Variants in DAB1 observed in about 807,000 individuals in gnomAD.
DAB1 encodes disabled homolog 1.
In DAB1, 15 loss-of-function variants were observed where a neutral mutation model predicts 64.6. The ratio of observed to expected loss-of-function variants is 0.23; its 90% confidence interval spans 0.16 to 0.36. The LOEUF (loss-of-function observed/expected upper bound fraction) is 0.36, where lower values mean the gene tolerates loss of function less well. Ranked by LOEUF, DAB1 falls within the 10% of genes least tolerant of loss-of-function variation. DAB1 has a pLI of 1.00. For synonymous variants in DAB1, 235 were observed against 251.9 expected (o/e 0.93, Z 0.64); for missense variants, 596 against 706.7 (o/e 0.84, Z 1.78).
At chr1:57,262,815 G>C (rs947351621) in intron 2 of DAB1, among the ~76,000 whole-genome samples, 1 of 152,144 alleles carries the variant, frequency 6.6e-6, no homozygotes, top group African/African-American at 2.4e-5. Context: ...AGGTCTTTTG[G>C]AAGCATTCTC....
chr1:57,042,099 T>C (rs925921424), intron 9 of DAB1, among the ~76,000 whole-genome samples: 2 of 152,152 alleles, frequency 1.3e-5, no homozygotes, highest in African/African-American at 4.8e-5. Flanking sequence ...AACCCTTGCT[T>C]GCTCATAGGG....
chr1:58,152,371 T>C (rs976521707), intron 4 of DAB1, among the ~76,000 whole-genome samples: 5 of 152,118 alleles, frequency 3.3e-5, no homozygotes, highest in African/African-American at 1.2e-4. Flanking sequence ...AATGCCACAG[T>C]GAATCTGTAT....
chr1:57,886,175 T>G (rs1019345858), upstream of DAB1, among the ~76,000 whole-genome samples: 727 of 151,226 alleles, frequency 4.8e-3, 6 homozygotes, highest in African/African-American at 0.016. Flanking sequence ...TTTTTTTTTT[T>G]TTTTTTTTGA....
At chr1:58,514,873 C>T (rs1646135911) in intron 2 of DAB1, among the ~76,000 whole-genome samples, 1 of 152,152 alleles carries the variant, frequency 6.6e-6, no homozygotes, top group Non-Finnish European at 1.5e-5. Flanking sequence ...AGAGGGAAAC[C>T]TTACTGTCTA....
intron 6 of DAB1, among the ~76,000 whole-genome samples, chr1:57,700,412 C>T (rs1646893557): frequency 6.6e-6 from 1 of 152,224 alleles, no homozygotes; most frequent in Non-Finnish European, 1.5e-5. Flanking sequence ...AAACTGGCTA[C>T]TATCTACTTC....
intron 5 of DAB1, among the ~76,000 whole-genome samples, chr1:58,025,699 T>C (rs1646884338): frequency 7.1e-6 from 1 of 141,264 alleles, no homozygotes. Flanking sequence ...CCTTTAATCA[T>C]AAATTTAGAG....
chr1:57,748,330 C>G (rs1648383825), intron 6 of DAB1, among the ~76,000 whole-genome samples: 1 of 152,180 alleles, frequency 6.6e-6, no homozygotes, highest in Non-Finnish European at 1.5e-5. Context: ...TCCTTCCTGA[C>G]TCTCCCACTT....
In DAB1 at chr1:58,352,453, C is replaced by T. The variant is rs151183425; in HGVS notation, n.258-9050G>A. Among the ~76,000 whole-genome samples, 8 of 152,192 alleles carry T rather than the reference C, an allele frequency of 5.3e-5. No homozygotes were observed. The East Asian group carries it at 7.7e-4, about 15-fold the overall frequency. Reference sequence around the variant, plus strand: ...GTCAGACTCTAAGTACATAGCCATCCGGCATGTATCTAACATTTGTAGAGA... The same window carrying T: ...GTCAGACTCTAAGTACATAGCCATCTGGCATGTATCTAACATTTGTAGAGA... On this transcript the variant is annotated intron_variant and non_coding_transcript_variant, in intron 3 of 20. Transcript: ENST00000485760.
At chr1:58,296,694 C>T (rs574497659) in intron 4 of DAB1, among the ~76,000 whole-genome samples, 2 of 152,224 alleles carry the variant, frequency 1.3e-5, no homozygotes, top group South Asian at 4.2e-4. Flanking sequence ...GTACTGTGAA[C>T]CCATATTTAT....
intron 3 of DAB1, among the ~76,000 whole-genome samples, chr1:58,487,282 A>G (rs1390093362): frequency 1.3e-5 from 2 of 152,238 alleles, no homozygotes; most frequent in African/African-American, 4.8e-5. Context: ...ACTGAAGATG[A>G]GTCCTAAATT....
intron 1 of DAB1, among the ~76,000 whole-genome samples, chr1:57,422,110 T>G (rs1558357015): frequency 6.6e-6 from 1 of 152,170 alleles, no homozygotes; most frequent in Non-Finnish European, 1.5e-5. Context: ...TGTACCAACG[T>G]GAACTGGATA....
chr1:57,839,169 G>GA (rs1348276449), intron 1 of DAB1, among the ~76,000 whole-genome samples: 2 of 152,020 alleles, frequency 1.3e-5, no homozygotes, highest in Non-Finnish European at 2.9e-5. Flanking sequence ...CCAAGCACTA[G>GA]AAACCTTAGG....
chr1:57,774,299 G>A (rs1649694529), intron 6 of DAB1, among the ~76,000 whole-genome samples: 1 of 151,618 alleles, frequency 6.6e-6, no homozygotes, highest in South Asian at 2.1e-4. Context: ...TTTGTATACT[G>A]AATTTGTATC....
chr1:58,530,121 TCCAC>T (rs990340992), intron 1 of DAB1, among the ~76,000 whole-genome samples: 1 of 152,172 alleles, frequency 6.6e-6, no homozygotes, highest in African/African-American at 2.4e-5. Flanking sequence ...GACTTCGTGA[TCCAC>T]CCACCTTGGC....
chr1:57,058,139 T>C (rs1389720147), intron 9 of DAB1, among the ~76,000 whole-genome samples: 1 of 152,146 alleles, frequency 6.6e-6, no homozygotes, highest in Non-Finnish European at 1.5e-5. Context: ...GGGGAGTGAA[T>C]GCAGGTGCGT....
intron 3 of DAB1, among the ~76,000 whole-genome samples, chr1:58,505,249 A>G (rs1364112811): frequency 7.2e-5 from 11 of 152,210 alleles, no homozygotes; most frequent in Non-Finnish European, 1.0e-4. Context: ...AGATACTTCT[A>G]TAATACACCT....
At chr1:58,425,265 T>C (rs1644811534) in intron 3 of DAB1, among the ~76,000 whole-genome samples, 1 of 152,228 alleles carries the variant, frequency 6.6e-6, no homozygotes, top group Non-Finnish European at 1.5e-5. Context: ...TTTTCTGGAC[T>C]GCCAGAAAGT....
intron 4 of DAB1, among the ~76,000 whole-genome samples, chr1:58,339,497 TAGTA>T (rs1317078256): frequency 2.0e-5 from 3 of 152,162 alleles, no homozygotes; most frequent in African/African-American, 7.2e-5. Context: ...GAGTAAGGCT[TAGTA>T]AGGGGAGTTC....
chr1:57,013,324 A>G (rs2100312139), intron 12 of DAB1, among the ~76,000 whole-genome samples: 1 of 152,338 alleles, frequency 6.6e-6, no homozygotes, highest in East Asian at 1.9e-4. Context: ...CCCTCAAAGA[A>G]CTTAAACTCT....
Sources: gnomAD v4.1 joint callset for allele counts (sites outside exome capture counted in the v4.1 genomes callset) on GRCh38, gnomAD v4.1.1 for gene constraint, MANE v1.5 for transcripts, NCBI Gene and HGNC (gene_info 2026-07-23, HGNC 2026-07-21) for gene names.